The following CD33 variants were observed in gnomAD, a reference collection of about 807,000 sequenced individuals.
CD33 encodes CD33 molecule.
In CD33, 25 loss-of-function variants were observed where a neutral mutation model predicts 31.4. The observed-to-expected ratio is 0.80, with a 90% CI of 0.58 to 1.11. CD33 has a LOEUF of 1.11. Among genes scored for constraint, CD33 ranks in the 50% most tolerant of loss-of-function variants. The pLI is 0.00. For synonymous variants in CD33, 176 were observed against 180.6 expected (o/e 0.97, Z 0.20); for missense variants, 407 against 448.1 (o/e 0.91, Z 0.83).
At chr19:51,225,763 C>A in intron 2 of CD33, 40 bp from the exon 3 acceptor site, 1 of 1,592,802 alleles carries the variant, frequency 6.3e-7, no homozygotes, top group Non-Finnish European at 8.6e-7. Flanking sequence ...TCACCTGGAC[C>A]CTCCCTCCTG....
At chr19:51,212,083 C>T in the CD33 span, 7 of 712,776 alleles carry the variant, frequency 9.8e-6, no homozygotes, top group Admixed American at 2.1e-5. Flanking sequence ...GAGTGCTGGG[C>T]CAGGACGCCT....
chr19:51,214,579 A>G, the CD33 span, among the ~76,000 whole-genome samples: 2 of 152,212 alleles, frequency 1.3e-5, no homozygotes, highest in African/African-American at 4.8e-5. Context: ...TAACATAATG[A>G]TGAATGATGT....
the CD33 span, among the ~76,000 whole-genome samples, chr19:51,219,300 C>A: frequency 6.6e-6 from 1 of 152,056 alleles, no homozygotes; most frequent in Non-Finnish European, 1.5e-5. Flanking sequence ...ATGAGATTGA[C>A]TTCTTGATTT....
At chr19:51,218,774 A>G in the CD33 span, among the ~76,000 whole-genome samples, 4 of 152,198 alleles carry the variant, frequency 2.6e-5, no homozygotes, top group African/African-American at 9.7e-5. Context: ...CGTTTAATTA[A>G]TAAGGTGTCC....
At chr19:51,229,545 G>A (rs1981265335) in intron 4 of CD33, among the ~76,000 whole-genome samples, 1 of 151,922 alleles carries the variant, frequency 6.6e-6, no homozygotes, top group East Asian at 1.9e-4. Context: ...TTGTTGGGGG[G>A]CCTTTTATTA....
chr19:51,215,181 G>A, the CD33 span, among the ~76,000 whole-genome samples: 7 of 152,252 alleles, frequency 4.6e-5, no homozygotes, highest in Non-Finnish European at 7.3e-5. Flanking sequence ...CTGAATCCCA[G>A]AATCTCAATC....
intron 4 of CD33, among the ~76,000 whole-genome samples, chr19:51,231,408 C>T (rs987808387): frequency 7.9e-5 from 12 of 152,260 alleles, no homozygotes; most frequent in African/African-American, 2.9e-4. Context: ...GATCTGATCA[C>T]CCCAACAAGC....
At chr19:51,226,652 T>C (rs1385774558) in intron 4 of CD33, among the ~76,000 whole-genome samples, 1 of 152,208 alleles carries the variant, frequency 6.6e-6, no homozygotes, top group Non-Finnish European at 1.5e-5. Context: ...TCCATACTAA[T>C]AATGTATAGT....
chr19:51,211,661 C>G, the CD33 span: 2 of 1,136,866 alleles, frequency 1.8e-6, no homozygotes, highest in African/African-American at 1.6e-5. Flanking sequence ...GGGATGGGAC[C>G]CATGTCCTGG....
the CD33 span, chr19:51,211,152 G>A: frequency 6.2e-7 from 1 of 1,600,556 alleles, no homozygotes; most frequent in South Asian, 1.1e-5. Context: ...GCAGGTGAAT[G>A]GCTGCGGGGA....
chr19:51,236,369 T>C (rs1222973836), intron 6 of CD33: 1 of 171,242 alleles, frequency 5.8e-6, no homozygotes, highest in Non-Finnish European at 1.3e-5. Context: ...CTTAGAACAA[T>C]TTCAGCAGAC....
In CD33 at chr19:51,225,978, A is replaced by G. The variant is rs200827254; in HGVS notation, c.594A>G (p.Ile198Met). ...GGACTACTCACTCCTCGGTGCTCAT[A>G]ATCACCCCACGGCCCCAGGACCACG... ...GPRTTHSSVL[I>M]ITPRPQDHGT... The change falls in exon 3 of 7, where the codon ATA becomes ATG. Residue 198 changes from isoleucine (I) to methionine (M), a missense_variant. By Grantham distance (10) the Ile-to-Met change is conservative. Coordinates refer to ENST00000262262, the MANE Select transcript of CD33 (RefSeq NM_001772.4). The G allele has an allele frequency of 2.9e-4, 476 of 1,613,854 alleles. 4 individuals are homozygous for G. In the East Asian group the frequency reaches 9.1e-3, roughly 31 times the overall value.
At chr19:51,226,684 T>C (rs1246262233) in intron 4 of CD33, among the ~76,000 whole-genome samples, 1 of 152,202 alleles carries the variant, frequency 6.6e-6, no homozygotes, top group Admixed American at 6.5e-5. Flanking sequence ...GGTAATAGCA[T>C]ATCCATCATC....
intron 4 of CD33, among the ~76,000 whole-genome samples, chr19:51,231,785 G>T (rs1012897967): frequency 6.7e-6 from 1 of 150,310 alleles, no homozygotes; most frequent in African/African-American, 2.5e-5. Context: ...TTGAGAAAGT[G>T]TCTCACTCTG....
At chr19:51,212,183 A>T in the CD33 span, 12 of 410,254 alleles carry the variant, frequency 2.9e-5, no homozygotes, top group Non-Finnish European at 4.2e-5. Context: ...GGCCTGGCTG[A>T]GTAGAAGACC....
chr19:51,216,761 T>G, the CD33 span, among the ~76,000 whole-genome samples: 1 of 151,992 alleles, frequency 6.6e-6, no homozygotes, highest in South Asian at 2.1e-4. Flanking sequence ...GCAATATATG[T>G]TTAGAGAAAA....
At chr19:51,229,403 T>C (rs1438926366) in intron 4 of CD33, among the ~76,000 whole-genome samples, 7 of 152,180 alleles carry the variant, frequency 4.6e-5, no homozygotes, top group Non-Finnish European at 8.8e-5. Flanking sequence ...ATGCTGGCCT[T>C]GTAGAATGAG....
chr19:51,233,350 G>T (rs1015043700), intron 4 of CD33, among the ~76,000 whole-genome samples: 1 of 152,212 alleles, frequency 6.6e-6, no homozygotes, highest in Non-Finnish European at 1.5e-5. Context: ...CTTTCCTCCA[G>T]CTGGAAGTAC....
intron 6 of CD33, chr19:51,236,875 A>C (rs1322130757): frequency 6.6e-6 from 1 of 152,380 alleles, no homozygotes; most frequent in Non-Finnish European, 1.5e-5. Context: ...TCTCCTCTCC[A>C]GAACATTAGC....
Sources: gnomAD v4.1 joint callset for allele counts (sites outside exome capture counted in the v4.1 genomes callset) on GRCh38, gnomAD v4.1.1 for gene constraint, MANE v1.5 for transcripts, NCBI Gene and HGNC (gene_info 2026-07-23, HGNC 2026-07-21) for gene names.